Variants in ASIC2 observed in about 807,000 individuals in gnomAD.
ASIC2 encodes the protein acid sensing ion channel subunit 2.
In ASIC2, 25 loss-of-function variants were observed where a neutral mutation model predicts 57.3. The ratio of observed to expected loss-of-function variants is 0.44; its 90% confidence interval spans 0.32 to 0.61. The LOEUF (loss-of-function observed/expected upper bound fraction) is 0.61. Among genes scored for constraint, ASIC2 ranks in the 20% least tolerant of loss-of-function variants. ASIC2 has a pLI of 0.06. For missense variants in ASIC2, 641 were observed against 738.1 expected (o/e 0.87, Z 1.52); for synonymous variants, 319 against 307.5 (o/e 1.04, Z -0.39).
At chr17:33,284,579 G>A (rs1905074869) in intron 1 of ASIC2, among the ~76,000 whole-genome samples, 1 of 152,118 alleles carries the variant, frequency 6.6e-6, no homozygotes, top group South Asian at 2.1e-4. Context: ...TCAAGGCTTG[G>A]AAGATTGTGA....
At chr17:33,889,035 T>G (rs370931275) in intron 1 of ASIC2, among the ~76,000 whole-genome samples, 8 of 152,146 alleles carry the variant, frequency 5.3e-5, no homozygotes, top group Admixed American at 5.2e-4. Context: ...AAATGTTTCT[T>G]GGGATGGGAG....
intron 1 of ASIC2, among the ~76,000 whole-genome samples, chr17:34,064,031 A>C (rs8082631): frequency 2.6e-5 from 4 of 151,986 alleles, no homozygotes; most frequent in Non-Finnish European, 4.4e-5. Context: ...AGTAATTCTA[A>C]AATTCATATA....
At chr17:33,264,779 A>C (rs989599156) in intron 1 of ASIC2, among the ~76,000 whole-genome samples, 2 of 152,246 alleles carry the variant, frequency 1.3e-5, no homozygotes, top group East Asian at 3.8e-4. Flanking sequence ...GAGGGTGCTG[A>C]TAGCATGAAA....
At chr17:33,711,077 A>G (rs1278064111) in intron 1 of ASIC2, among the ~76,000 whole-genome samples, 2 of 152,018 alleles carry the variant, frequency 1.3e-5, no homozygotes, top group Non-Finnish European at 2.9e-5. Context: ...CAGCCTCCCA[A>G]AGTGCTGAGA....
At chr17:33,804,119 C>T (rs777032222) in intron 1 of ASIC2, among the ~76,000 whole-genome samples, 13 of 152,208 alleles carry the variant, frequency 8.5e-5, no homozygotes, top group Non-Finnish European at 1.6e-4. Flanking sequence ...CCTGTTATTA[C>T]CCTTATGTCC....
At chr17:34,051,902 G>GT (rs1908583257) in intron 1 of ASIC2, among the ~76,000 whole-genome samples, 2 of 148,848 alleles carry the variant, frequency 1.3e-5, no homozygotes, top group Non-Finnish European at 3.0e-5. Flanking sequence ...GAGAGAGTGA[G>GT]TTTTTTCCTT....
intron 1 of ASIC2, among the ~76,000 whole-genome samples, chr17:33,448,391 T>C (rs1912117674): frequency 6.6e-6 from 1 of 152,164 alleles, no homozygotes; most frequent in South Asian, 2.1e-4. Flanking sequence ...TGGGAAAGAT[T>C]TTGCATATAT....
chr17:33,542,179 T>G (rs1915433330), intron 1 of ASIC2, among the ~76,000 whole-genome samples: 1 of 152,168 alleles, frequency 6.6e-6, no homozygotes, highest in South Asian at 2.1e-4. Flanking sequence ...AAGTCTTTGC[T>G]ATTGTGAATA....
intron 1 of ASIC2, among the ~76,000 whole-genome samples, chr17:33,724,058 G>C (rs1208165531): frequency 6.6e-6 from 1 of 152,058 alleles, no homozygotes. Context: ...ATTGAATCAT[G>C]GGGGTGGGTC....
chr17:33,864,749 G>A (rs890049810), intron 1 of ASIC2, among the ~76,000 whole-genome samples: 1 of 152,128 alleles, frequency 6.6e-6, no homozygotes, highest in African/African-American at 2.4e-5. Context: ...GGGAGAAACA[G>A]ATCATTGGAA....
At chr17:33,446,987 G>T (rs899931516) in intron 1 of ASIC2, among the ~76,000 whole-genome samples, 1 of 152,150 alleles carries the variant, frequency 6.6e-6, no homozygotes, top group South Asian at 2.1e-4. Context: ...TAAACTGAAC[G>T]TCACTATTTT....
intron 1 of ASIC2, among the ~76,000 whole-genome samples, chr17:33,685,333 C>T (rs1178460398): frequency 6.6e-6 from 1 of 152,210 alleles, no homozygotes; most frequent in Non-Finnish European, 1.5e-5. Flanking sequence ...TCCAGGCCAC[C>T]TCGCGCTCCT....
At chr17:33,452,886 C>T (rs1407187314) in intron 1 of ASIC2, among the ~76,000 whole-genome samples, 1 of 152,018 alleles carries the variant, frequency 6.6e-6, no homozygotes, top group Non-Finnish European at 1.5e-5. Flanking sequence ...TCAAAGCCAT[C>T]AGGCTCTTTG....
At chr17:33,172,395 G>T (rs1905556774) in intron 1 of ASIC2, among the ~76,000 whole-genome samples, 3 of 152,224 alleles carry the variant, frequency 2.0e-5, no homozygotes, top group Admixed American at 6.5e-5. Flanking sequence ...CAAAATTAAA[G>T]CCCAGTTCTG....
At chr17:33,495,865 G>C (rs1913915123) in intron 1 of ASIC2, among the ~76,000 whole-genome samples, 2 of 152,328 alleles carry the variant, frequency 1.3e-5, no homozygotes, top group African/African-American at 4.8e-5. Context: ...GTGACATTGA[G>C]CAGAGTTCTC....
chr17:33,829,453 T>TG (rs1284066852), intron 1 of ASIC2, among the ~76,000 whole-genome samples: 1 of 152,152 alleles, frequency 6.6e-6, no homozygotes, highest in African/African-American at 2.4e-5. Flanking sequence ...GATAGTCACC[T>TG]GGGGGAGAGC....
At position 33,306,155 on chromosome 17, in the gene ASIC2, G is replaced by T. The variant is rs375654840; in HGVS notation, c.556-194088C>A. On this transcript the variant is annotated intron_variant, in intron 1 of 9. Coordinates refer to the ASIC2 transcript ENST00000359872. Reference sequence around the variant, plus strand: ...AAGGAATAAACGATAAAAGAGAAATGGAATTCTATTTGAGAAAACAGTTCT... The same window carrying T: ...AAGGAATAAACGATAAAAGAGAAATTGAATTCTATTTGAGAAAACAGTTCT... Among the ~76,000 whole-genome samples the T allele has an allele frequency of 2.1e-3, 324 of 152,264 alleles. 11 individuals carry two copies. In the South Asian group the frequency reaches 0.064, roughly 30 times the overall value.
chr17:33,769,989 G>A (rs959320394), intron 1 of ASIC2, among the ~76,000 whole-genome samples: 2 of 152,192 alleles, frequency 1.3e-5, no homozygotes, highest in Admixed American at 6.5e-5. Context: ...TTCAACTTGG[G>A]GGACACAAAC....
intron 1 of ASIC2, among the ~76,000 whole-genome samples, chr17:34,056,023 ATTG>A (rs1908753777): frequency 2.0e-5 from 3 of 152,092 alleles, no homozygotes; most frequent in Admixed American, 2.0e-4. Context: ...CTGGGCAGTA[ATTG>A]TAGTAAGACT....
Sources: allele counts gnomAD v4.1 joint callset (sites outside exome capture counted in the v4.1 genomes callset), GRCh38; gene constraint gnomAD v4.1.1; transcripts MANE v1.5; gene names NCBI Gene and HGNC (gene_info 2026-07-23, HGNC 2026-07-21).